STK17B: variants seen among roughly 807,000 people sequenced by gnomAD.
STK17B encodes serine/threonine kinase 17b.
A neutral mutation model predicts 42.0 loss-of-function variants in STK17B; 21 were observed. The observed-to-expected ratio is 0.50, with a 90% CI of 0.35 to 0.72. STK17B has a LOEUF of 0.72. Ranked by LOEUF, STK17B falls within the 30% of genes least tolerant of loss-of-function variation. The probability of loss-of-function intolerance (pLI) is 0.00; values close to 1 mark genes in which losing one functional copy is unlikely to be tolerated. For synonymous variants in STK17B, 143 were observed against 148.4 expected (o/e 0.96, Z 0.26); for missense variants, 349 against 446.0 (o/e 0.78, Z 1.96).
At chr2:196,172,055 A>C (rs1699955170), upstream of STK17B, among the ~76,000 whole-genome samples, 1 of 152,212 alleles carries the variant, frequency 6.6e-6, no homozygotes, top group African/African-American at 2.4e-5. Context: ...TAGGACCGGA[A>C]CGTACCCTGT....
chr2:196,143,196 C>T (rs1166678510), intron 5 of STK17B, among the ~76,000 whole-genome samples: 1 of 152,168 alleles, frequency 6.6e-6, no homozygotes, highest in East Asian at 1.9e-4. Context: ...TAGCCAACAG[C>T]CAGGCTTCAA....
chr2:196,176,000 T>A, upstream of STK17B, among the ~76,000 whole-genome samples: 1 of 152,208 alleles, frequency 6.6e-6, no homozygotes. Context: ...CTCCTGACTC[T>A]TAATCCTAAG....
chr2:196,163,284 G>A lies in STK17B; in HGVS notation c.100C>T (p.Leu34Phe). Residue 34 changes from leucine to phenylalanine, a missense_variant, in exon 2 of 8, where the codon CTT becomes TTT. Physicochemically the swap from Leu to Phe is conservative, Grantham distance 22. Coordinates refer to ENST00000263955, the MANE Select transcript of STK17B (RefSeq NM_004226.4). The stretch of plus-strand genomic sequence containing the variant: ...TACCTCCCTAGCTCTTTAGATGTAA[G>A]TATATAGAAATTATTAAAGTTTTCC... Reference protein sequence around the residue: ...KMENFNNFYILTSKELGRGKF... With the variant: ...KMENFNNFYIFTSKELGRGKF... 1.2e-6 allele frequency: 2 copies of A among 1,608,658 alleles called. No individual in the cohort carries two copies. The highest frequency in any genetic ancestry group is 2.2e-5 in the South Asian group (2 of 90,310).
rs1374320865 is a variant in STK17B at position 196,136,012 on chromosome 2, T to C, written c.*1435A>G. On this transcript the variant is annotated 3_prime_UTR_variant, in exon 8 of 8. Coordinates refer to ENST00000263955, the MANE Select transcript of STK17B (RefSeq NM_004226.4). ...CATGTGGTCAAATAAAGTGACCTGA[T>C]AGTTATTCAAAAAGTTTTAAGTTAT... 3.3e-5 allele frequency: 5 copies of C among 152,080 alleles called. No homozygotes were observed. The highest frequency in any genetic ancestry group is 2.0e-4 in the Admixed American group (3 of 15,256). The allele number at this position is 152,080 out of a possible 1,614,324, so 9.4% of individuals were successfully genotyped here.
At chr2:196,150,160 A>G (rs1303557580) in intron 3 of STK17B, among the ~76,000 whole-genome samples, 1 of 146,258 alleles carries the variant, frequency 6.8e-6, no homozygotes, top group Non-Finnish European at 1.5e-5. Context: ...CACCCTGAGC[A>G]GTCACCCAGA....
intron 7 of STK17B, among the ~76,000 whole-genome samples, chr2:196,139,018 G>C (rs918759577): frequency 6.6e-6 from 1 of 152,218 alleles, no homozygotes; most frequent in African/African-American, 2.4e-5. Context: ...CTAGGCTAGA[G>C]TGCAGTGGCG....
intron 3 of STK17B, among the ~76,000 whole-genome samples, chr2:196,152,844 G>T (rs1227895060): frequency 6.6e-6 from 1 of 152,150 alleles, no homozygotes; most frequent in Non-Finnish European, 1.5e-5. Context: ...ACATAGGTAT[G>T]GTTGGAAGAG....
intron 6 of STK17B, among the ~76,000 whole-genome samples, chr2:196,140,199 G>A (rs1699473558): frequency 6.6e-6 from 1 of 152,202 alleles, no homozygotes; most frequent in Non-Finnish European, 1.5e-5. Context: ...CACAAAGCTG[G>A]GCAGGCAAAT....
intron 1 of STK17B, among the ~76,000 whole-genome samples, chr2:196,167,686 T>C (rs1699889649): frequency 6.6e-6 from 1 of 152,250 alleles, no homozygotes; most frequent in African/African-American, 2.4e-5. Flanking sequence ...TTGTTTTTAA[T>C]ATAAGCTACT....
At chr2:196,167,910 G>A (rs1699891322) in intron 1 of STK17B, among the ~76,000 whole-genome samples, 1 of 152,180 alleles carries the variant, frequency 6.6e-6, no homozygotes, top group Non-Finnish European at 1.5e-5. Context: ...CTGCTAGCAA[G>A]CTTTCCCTAG....
chr2:196,155,105 C>A (rs1331490699), intron 3 of STK17B, among the ~76,000 whole-genome samples: 1 of 152,206 alleles, frequency 6.6e-6, no homozygotes, highest in African/African-American at 2.4e-5. Flanking sequence ...TATGTATATT[C>A]ATCCTCCAAA....
chr2:196,171,797 A>T (rs866891437), upstream of STK17B, among the ~76,000 whole-genome samples: 1 of 84,692 alleles, frequency 1.2e-5, no homozygotes, highest in South Asian at 3.8e-4. Flanking sequence ...GTGGCGGCGC[A>T]GGTGGGGCGC....
At chr2:196,137,805 G>C in intron 7 of STK17B, 76 bp from the exon 8 acceptor site, 1 of 1,479,652 alleles carries the variant, frequency 6.8e-7, no homozygotes, top group Admixed American at 2.3e-5. Context: ...ATAGATTATA[G>C]ACATATTTTT....
rs1311584492 is a variant in STK17B at position 196,163,733 on chromosome 2, T to G, written c.-44-306A>C. 2.0e-5 allele frequency among the ~76,000 whole-genome samples: 3 copies of G among 152,266 alleles called. No homozygotes were observed. The East Asian group carries it at 5.8e-4, about 29-fold the overall frequency. ...CACTTAGTTTCATCATAAAACTCCA[T>G]TCTTTAAAGTTATAGAGGTTTCAGC... is the stretch of plus-strand genomic sequence containing the variant. On this transcript the variant is annotated intron_variant, in intron 1 of 7. Coordinates refer to ENST00000263955, the MANE Select transcript of STK17B (RefSeq NM_004226.4).
chr2:196,174,300 A>G (rs1276060295), upstream of STK17B: 1 of 152,198 alleles, frequency 6.6e-6, no homozygotes, highest in Non-Finnish European at 1.5e-5. Flanking sequence ...GACACTCACC[A>G]TATTCTGTCC....
chr2:196,150,179 T>TAAA (rs143244008), intron 3 of STK17B, among the ~76,000 whole-genome samples: 16 of 113,478 alleles, frequency 1.4e-4, no homozygotes, highest in African/African-American at 3.5e-4. Context: ...GAGCAGTGAC[T>TAAA]AAAAAAAAAA....
intron 1 of STK17B, among the ~76,000 whole-genome samples, chr2:196,164,122 A>C (rs1325324763): frequency 1.3e-5 from 2 of 152,192 alleles, no homozygotes; most frequent in African/African-American, 4.8e-5. Flanking sequence ...CAAGATAATA[A>C]TTATTCATTT....
chr2:196,155,790 C>T (rs1325678670), intron 3 of STK17B, among the ~76,000 whole-genome samples: 1 of 152,106 alleles, frequency 6.6e-6, no homozygotes, highest in Non-Finnish European at 1.5e-5. Flanking sequence ...GGTAACAAAC[C>T]GGTTACCTTA....
chr2:196,163,277 G>A lies in STK17B; in HGVS notation c.107C>T (p.Ser36Phe), dbSNP rs1211352653. 1 of 1,608,878 alleles carries A rather than the reference G, an allele frequency of 6.2e-7. No homozygotes were observed. Among genetic ancestry groups the A allele is most frequent in the South Asian group, 1.1e-5 (1 of 90,362 alleles). Residue 36 changes from serine to phenylalanine, a missense_variant, in exon 2 of 8, where the codon TCT becomes TTT. Physicochemically the swap from Ser to Phe is radical, Grantham distance 155 (BLOSUM62 -2). Around this residue, in one of 3 missense-constraint regions of STK17B, gnomAD observed 256 missense variants for 347.7 expected, o/e 0.74. Transcript: ENST00000263955. ...GTTTTCTTACCTCCCTAGCTCTTTAGATGTAAGTATATAGAAATTATTAAA... is the reference window on the plus strand; with the variant it reads ...GTTTTCTTACCTCCCTAGCTCTTTAAATGTAAGTATATAGAAATTATTAAA... ...ENFNNFYILT[S>F]KELGRGKFAV...
Sources: allele counts gnomAD v4.1 joint callset (sites outside exome capture counted in the v4.1 genomes callset), GRCh38; gene constraint gnomAD v4.1.1; regional missense constraint gnomAD v4.1.1; transcripts MANE v1.5; gene names NCBI Gene and HGNC (gene_info 2026-07-23, HGNC 2026-07-21).